FMO5: variants seen among roughly 807,000 people sequenced by gnomAD.
The protein encoded by FMO5 is flavin containing dimethylaniline monoxygenase 5, also known as flavin-containing monooxygenase 5.
FMO5 carries 51 observed loss-of-function variants against 43.6 expected under a neutral mutation model. The observed-to-expected ratio is 1.17, with a 90% CI of 0.93 to 1.48. FMO5 has a LOEUF of 1.48. FMO5 is among the 40% of genes most tolerant of loss of function. FMO5 has a pLI of 0.00. For synonymous variants in FMO5, 187 were observed against 216.5 expected (o/e 0.86, Z 1.20); for missense variants, 644 against 643.0 (o/e 1.00, Z -0.02).
At chr1:147,207,516 C>T (rs1553922678) in intron 6 of FMO5, among the ~76,000 whole-genome samples, 1 of 152,164 alleles carries the variant, frequency 6.6e-6, no homozygotes, top group Non-Finnish European at 1.5e-5. Flanking sequence ...TCATTATAAT[C>T]TGTCCTCTTT....
chr1:147,185,634 T>G (rs79220908), downstream of FMO5, among the ~76,000 whole-genome samples: 3,977 of 152,316 alleles, frequency 0.026, 87 homozygotes, highest in Non-Finnish European at 0.039. Flanking sequence ...GGAAAGATAA[T>G]ACTCTCTAAT....
intron 2 of FMO5, among the ~76,000 whole-genome samples, chr1:147,217,249 GAAAAA>G (rs1662177245): frequency 6.7e-6 from 1 of 150,004 alleles, no homozygotes; most frequent in Admixed American, 6.6e-5. Context: ...ACAAAAAAAA[GAAAAA>G]GAAAAAGAAA....
intron 5 of FMO5, 65 bp from the exon 6 acceptor site, chr1:147,209,116 A>C: frequency 7.1e-7 from 1 of 1,416,644 alleles, no homozygotes. Context: ...AAGCACCCCC[A>C]TTTTCTTCAA....
chr1:147,223,951 A>G, intron 2 of FMO5: 1 of 381,968 alleles, frequency 2.6e-6, no homozygotes, highest in East Asian at 8.2e-5. Context: ...TCGAGACACC[A>G]CCCGTCTTTC....
chr1:147,204,475 T>A, intron 6 of FMO5: 1 of 1,485,568 alleles, frequency 6.7e-7, no homozygotes. Context: ...ATCTCGAAGG[T>A]TTTTTGCAGA....
At chr1:147,215,503 G>T in intron 3 of FMO5, 1 of 442,018 alleles carries the variant, frequency 2.3e-6, no homozygotes. Flanking sequence ...CAAATAATGT[G>T]AAATGAAGGT....
At chr1:147,188,385 G>A (rs4950310) in intron 8 of FMO5, among the ~76,000 whole-genome samples, 11,312 of 151,826 alleles carry the variant, frequency 0.075, 456 homozygotes, top group South Asian at 0.12. Context: ...TTAGCTGGGC[G>A]TTGTTAGTAT....
intron 2 of FMO5, among the ~76,000 whole-genome samples, chr1:147,218,809 T>C (rs964926280): frequency 1.3e-5 from 2 of 152,210 alleles, no homozygotes; most frequent in Non-Finnish European, 2.9e-5. Context: ...TAAATATTAC[T>C]ATTTCTTCAT....
chr1:147,191,498 G>C (rs1434759681), intron 7 of FMO5, among the ~76,000 whole-genome samples: 2 of 151,814 alleles, frequency 1.3e-5, no homozygotes, highest in African/African-American at 4.8e-5. Context: ...AGAAGTGTCT[G>C]TTCATATCCT....
At position 147,209,406 on chromosome 1, in the gene FMO5, C is replaced by T. The variant is rs188438485; in HGVS notation, c.631-355G>A. Among the ~76,000 whole-genome samples, 1,161 of 139,268 alleles carry T rather than the reference C, an allele frequency of 8.3e-3. 9 individuals carry two copies. The highest frequency in any genetic ancestry group is 0.011 in the Non-Finnish European group (709 of 66,402). 91.4% of individuals were successfully genotyped at this position (139,268 alleles called of 152,430 possible). On this transcript the variant is annotated intron_variant, in intron 5 of 8. Coordinates refer to ENST00000254090, the MANE Select transcript of FMO5 (RefSeq NM_001461.4). ...TGAGCCAAGATCGCACCACTGCACT[C>T]CAGCCTGGGCAACAGAGTGAGACTC...
At chr1:147,218,690 G>A (rs1035628645) in intron 2 of FMO5, among the ~76,000 whole-genome samples, 33 of 152,020 alleles carry the variant, frequency 2.2e-4, no homozygotes, top group African/African-American at 6.0e-4. Flanking sequence ...AATCTAGCCC[G>A]GTTTATCTTT....
chr1:147,213,579 C>A (rs1553924322), intron 3 of FMO5, 109 bp from the exon 4 acceptor site: 2 of 895,960 alleles, frequency 2.2e-6, no homozygotes, highest in African/African-American at 1.7e-5. Flanking sequence ...AGGACCCATG[C>A]AGGGATATTT....
At chr1:147,188,085 G>A (rs1457126858) in intron 8 of FMO5, among the ~76,000 whole-genome samples, 1 of 152,072 alleles carries the variant, frequency 6.6e-6, no homozygotes, top group Non-Finnish European at 1.5e-5. Flanking sequence ...GGGTCAAGTA[G>A]GAATTTATTG....
rs1553927236 is a variant in FMO5, at chr1:147,224,952, G to GT, written c.77_78insA (p.Glu28GlyfsTer6). ...TCCTTTCAAAGCAGACAGGTTCCAA[G>GT]CCTTCTTCTACGCAGCACTTGATGG... On this transcript the variant is annotated frameshift_variant, in exon 2 of 9. Coordinates refer to ENST00000254090, the MANE Select transcript of FMO5 (RefSeq NM_001461.4). LOFTEE classifies it high-confidence loss of function. 3 of 1,614,004 alleles carry GT rather than the reference G, an allele frequency of 1.9e-6. No homozygotes were observed. In the South Asian group the frequency reaches 3.3e-5, roughly 18 times the overall value.
chr1:147,226,931 C>A (rs1293184363), upstream of FMO5, among the ~76,000 whole-genome samples: 1 of 151,762 alleles, frequency 6.6e-6, no homozygotes, highest in East Asian at 1.9e-4. Flanking sequence ...CTCCTGGGCT[C>A]AATCTACCCT....
chr1:147,203,402 AC>A (rs1659398775), intron 6 of FMO5: 2 of 956,402 alleles, frequency 2.1e-6, no homozygotes, highest in Non-Finnish European at 3.4e-6. Context: ...AGTTTGATAG[AC>A]CAGTGTTTTC....
chr1:147,194,342 T>C (rs1322034478), intron 7 of FMO5, among the ~76,000 whole-genome samples: 7 of 152,300 alleles, frequency 4.6e-5, no homozygotes, highest in Middle Eastern at 3.4e-3. Flanking sequence ...CTGCCTTTTT[T>C]TGTTTTCGAT....
intron 7 of FMO5, among the ~76,000 whole-genome samples, chr1:147,197,077 C>G (rs1658140038): frequency 6.6e-6 from 1 of 152,276 alleles, no homozygotes; most frequent in Middle Eastern, 3.4e-3. Context: ...ACCTTAAATG[C>G]AAACTCTTGA....
At chr1:147,198,838 G>C (rs918417111) in intron 7 of FMO5, among the ~76,000 whole-genome samples, 4 of 118,836 alleles carry the variant, frequency 3.4e-5, no homozygotes, top group South Asian at 3.0e-4. Flanking sequence ...GCGACAGAGC[G>C]AGACTGCATC....
Sources: gnomAD v4.1 joint callset for allele counts (sites outside exome capture counted in the v4.1 genomes callset) on GRCh38, gnomAD v4.1.1 for gene constraint, MANE v1.5 for transcripts, NCBI Gene and HGNC (gene_info 2026-07-23, HGNC 2026-07-21) for gene names.